Variants in NYAP2 observed in about 807,000 individuals in gnomAD.
NYAP2 encodes the protein neuronal tyrosine-phosphorylated phosphoinositide-3-kinase adapter 2.
In NYAP2, 23 loss-of-function variants were observed where a neutral mutation model predicts 50.4. That is an observed-to-expected ratio of 0.46 (90% CI 0.33 to 0.65). The LOEUF is 0.65. Ranked by LOEUF, NYAP2 falls within the 30% of genes least tolerant of loss-of-function variation. The probability of loss-of-function intolerance (pLI) is 0.02; values close to 1 mark genes in which losing one functional copy is unlikely to be tolerated. For synonymous variants in NYAP2, 394 were observed against 365.2 expected (o/e 1.08, Z -0.90); for missense variants, 885 against 861.0 (o/e 1.03, Z -0.35).
chr2:225,680,781 A>G, the NYAP2 span, among the ~76,000 whole-genome samples: 1 of 152,318 alleles, frequency 6.6e-6, no homozygotes. Context: ...TGCATTCAGA[A>G]AAAAACAAAG....
intron 3 of NYAP2, among the ~76,000 whole-genome samples, chr2:225,501,509 G>T (rs190503670): frequency 2.0e-5 from 3 of 152,298 alleles, no homozygotes; most frequent in Admixed American, 6.5e-5. Flanking sequence ...AAAACTGAAC[G>T]AATTAATGTG....
At chr2:225,612,741 G>C (rs549455218) in intron 5 of NYAP2, among the ~76,000 whole-genome samples, 5 of 84,338 alleles carry the variant, frequency 5.9e-5, no homozygotes, top group Admixed American at 1.6e-4. Flanking sequence ...CGTCATGGAG[G>C]CCCCCCCCTT....
At chr2:225,419,844 A>AGGG (rs35383322) in intron 3 of NYAP2, among the ~76,000 whole-genome samples, 1 of 152,178 alleles carries the variant, frequency 6.6e-6, no homozygotes, top group African/African-American at 2.4e-5. Context: ...AAAGCAATAC[A>AGGG]GGGGAAGATT....
downstream of NYAP2, among the ~76,000 whole-genome samples, chr2:225,655,376 T>A (rs1693805270): frequency 6.6e-6 from 1 of 152,232 alleles, no homozygotes; most frequent in Non-Finnish European, 1.5e-5. Context: ...TCTTGGAACT[T>A]CCTTGTAATG....
intron 3 of NYAP2, among the ~76,000 whole-genome samples, chr2:225,457,897 T>C (rs1449524553): frequency 6.6e-6 from 1 of 152,184 alleles, no homozygotes; most frequent in African/African-American, 2.4e-5. Context: ...ACAGTACTCA[T>C]CTATGATGTT....
At chr2:225,477,802 T>A (rs928852270) in intron 3 of NYAP2, among the ~76,000 whole-genome samples, 2 of 152,156 alleles carry the variant, frequency 1.3e-5, no homozygotes, top group African/African-American at 4.8e-5. Flanking sequence ...TATCTGTAAT[T>A]TGAAACGGGC....
exon 5 of NYAP2, chr2:225,581,941 C>A (rs998378676): frequency 1.1e-5 from 18 of 1,588,400 alleles, no homozygotes; most frequent in Non-Finnish European, 1.5e-5. Flanking sequence ...CTTCTTTTAG[C>A]GTCAGCTAAA....
At chr2:225,602,755 T>A (rs935773206) in intron 5 of NYAP2, among the ~76,000 whole-genome samples, 1 of 152,162 alleles carries the variant, frequency 6.6e-6, no homozygotes, top group Non-Finnish European at 1.5e-5. Context: ...TTGGTGAGAA[T>A]CATTTGACCA....
chr2:225,620,067 C>T (rs891964084), intron 5 of NYAP2, among the ~76,000 whole-genome samples: 10 of 152,172 alleles, frequency 6.6e-5, no homozygotes, highest in African/African-American at 2.2e-4. Context: ...TCAGATTCCA[C>T]ATAAAGCTTT....
intron 4 of NYAP2, among the ~76,000 whole-genome samples, chr2:225,549,073 G>T (rs900740858): frequency 1.3e-5 from 2 of 152,028 alleles, no homozygotes; most frequent in African/African-American, 4.8e-5. Flanking sequence ...TAGAGACAGG[G>T]TTTTGTCATT....
In NYAP2 at chr2:225,556,290, A is replaced by G. The variant is rs141396298; in HGVS notation, c.524-25651A>G. ...ACGATATACTTACACCATATACAATATAGCATATACAGGTATAATCATTAT... is the reference window on the plus strand; with the variant it reads ...ACGATATACTTACACCATATACAATGTAGCATATACAGGTATAATCATTAT... On this transcript the variant is annotated intron_variant, in intron 4 of 6. Transcript: ENST00000636099. 5.0e-4 allele frequency among the ~76,000 whole-genome samples: 76 copies of G among 152,362 alleles called. No homozygotes were observed. The East Asian group carries it at 9.4e-3, about 19-fold the overall frequency.
chr2:225,570,781 C>G (rs1003156824), intron 4 of NYAP2, among the ~76,000 whole-genome samples: 1 of 152,186 alleles, frequency 6.6e-6, no homozygotes, highest in Non-Finnish European at 1.5e-5. Context: ...AATGCATAAT[C>G]ATGCCTTCCC....
intron 4 of NYAP2, among the ~76,000 whole-genome samples, chr2:225,551,197 A>T (rs1691668691): frequency 6.6e-6 from 1 of 152,236 alleles, no homozygotes; most frequent in African/African-American, 2.4e-5. Context: ...ACCTTCTGGT[A>T]TCCTAGTATA....
intron 6 of NYAP2, among the ~76,000 whole-genome samples, chr2:225,636,068 T>C (rs1367878073): frequency 2.0e-5 from 3 of 152,220 alleles, no homozygotes; most frequent in Non-Finnish European, 4.4e-5. Context: ...GACAGGAATA[T>C]ATATAATGTA....
At chr2:225,518,999 CTGAG>C (rs1690994383) in intron 4 of NYAP2, among the ~76,000 whole-genome samples, 1 of 151,914 alleles carries the variant, frequency 6.6e-6, no homozygotes, top group Admixed American at 6.6e-5. Flanking sequence ...GCCTGGGCGA[CTGAG>C]TGAGACTCTG....
chr2:225,598,236 GAAAGATGATTTACCAGCAGAAGAA>G (rs1267205002), intron 5 of NYAP2, among the ~76,000 whole-genome samples: 1 of 152,140 alleles, frequency 6.6e-6, no homozygotes, highest in African/African-American at 2.4e-5. Context: ...CCATGATTGT[GAAAGATGATTTACCAGCAGAAGAA>G]AAAGCTTCAA....
chr2:225,453,209 T>C (rs1426904747), intron 3 of NYAP2, among the ~76,000 whole-genome samples: 1 of 152,208 alleles, frequency 6.6e-6, no homozygotes, highest in Non-Finnish European at 1.5e-5. Context: ...TAATTTCATA[T>C]ACCAAAACAT....
At chr2:225,472,236 A>G (rs1269808651) in intron 3 of NYAP2, among the ~76,000 whole-genome samples, 1 of 152,224 alleles carries the variant, frequency 6.6e-6, no homozygotes, top group East Asian at 1.9e-4. Context: ...GATGTCATAC[A>G]TGTCTACTCA....
Position 225,548,506 on chromosome 2 carries a change from C to G in NYAP2, c.524-33435C>G, listed in dbSNP as rs978787819. On this transcript the variant is annotated intron_variant, in intron 4 of 6. Transcript: ENST00000636099. ...TCCTATTACATAATGCTATGTGTCT[C>G]TGGAGAGTTGGAGGTTTACTGGGGA... is the stretch of plus-strand genomic sequence containing the variant. Among the ~76,000 whole-genome samples the G allele has an allele frequency of 5.3e-5, 8 of 151,950 alleles. No individual in the cohort carries two copies. The East Asian group carries it at 1.6e-3, about 29-fold the overall frequency.
Sources: gnomAD v4.1 joint callset for allele counts (sites outside exome capture counted in the v4.1 genomes callset) on GRCh38, gnomAD v4.1.1 for gene constraint, MANE v1.5 for transcripts, NCBI Gene and HGNC (gene_info 2026-07-23, HGNC 2026-07-21) for gene names.